Variants in SLC25A14 observed in about 807,000 individuals in gnomAD.
SLC25A14 encodes brain mitochondrial carrier protein 1.
In SLC25A14, 8 loss-of-function variants were observed where a neutral mutation model predicts 28.1. That is an observed-to-expected ratio of 0.28 (90% CI 0.17 to 0.51). The LOEUF (loss-of-function observed/expected upper bound fraction) is 0.51. Among genes scored for constraint, SLC25A14 ranks in the 20% least tolerant of loss-of-function variants. The pLI, the probability that SLC25A14 is intolerant of heterozygous loss-of-function variation, is 0.97. For missense variants in SLC25A14, 135 were observed against 263.8 expected (o/e 0.51, Z 3.38); for synonymous variants, 74 against 90.6 (o/e 0.82, Z 1.04).
At chrX:130,365,238 T>A in intron 8 of SLC25A14, 15 of 842,836 alleles carry the variant, frequency 1.8e-5, no homozygotes, top group Non-Finnish European at 2.2e-5. Flanking sequence ...TGTGATGCTG[T>A]GGTTTGAAAA....
At chrX:130,353,650 A>T (rs2033688871) in intron 6 of SLC25A14, among the ~76,000 whole-genome samples, 1 of 112,058 alleles carries the variant, frequency 8.9e-6, no homozygotes, top group South Asian at 3.7e-4. Flanking sequence ...TCAAATGATA[A>T]ATATGGTCAA....
At chrX:130,356,551 G>A (rs1170780738) in intron 6 of SLC25A14, among the ~76,000 whole-genome samples, 2 of 110,941 alleles carry the variant, frequency 1.8e-5, no homozygotes, top group Admixed American at 9.6e-5. Context: ...TTCTCATTTA[G>A]TGGGGCTGTT....
Position 130,365,538 on chromosome X carries a change from T to C in SLC25A14, c.720-3T>C, listed in dbSNP as rs780250621. ...GTCGATCTACTTAAACTTTTCCTCT[T>C]AGTTCCAGCTTTACATGTGGTTTGG... is the stretch of plus-strand genomic sequence containing the variant. On this transcript the variant is annotated splice_polypyrimidine_tract_variant and splice_region_variant and intron_variant, in intron 8 of 10. Coordinates refer to ENST00000545805, the MANE Select transcript of SLC25A14 (RefSeq NM_001282195.2). The C allele has an allele frequency of 2.5e-6, 3 of 1,211,217 alleles. No homozygotes were observed. In the East Asian group the frequency reaches 8.9e-5, roughly 36 times the overall value.
intron 3 of SLC25A14, 123 bp downstream of exon 3, chrX:130,345,398 A>G: frequency 2.1e-6 from 1 of 474,911 alleles, no homozygotes; most frequent in Non-Finnish European, 3.7e-6. Flanking sequence ...AAATTGTCTC[A>G]AAGCCATGAA....
intron 6 of SLC25A14, among the ~76,000 whole-genome samples, chrX:130,356,202 T>C (rs1476613697): frequency 9.2e-6 from 1 of 109,092 alleles, no homozygotes; most frequent in Non-Finnish European, 1.9e-5. Flanking sequence ...GCTAGAATTC[T>C]TCTGCAAGGG....
At chrX:130,366,248 G>A (rs1474296628) in intron 9 of SLC25A14, among the ~76,000 whole-genome samples, 2 of 112,346 alleles carry the variant, frequency 1.8e-5, no homozygotes, top group Non-Finnish European at 3.7e-5. Flanking sequence ...CATTTTAGTA[G>A]TTAGAGAGAA....
intron 7 of SLC25A14, among the ~76,000 whole-genome samples, chrX:130,360,743 A>AT (rs756511378): frequency 1.8e-5 from 2 of 111,867 alleles, no homozygotes; most frequent in Non-Finnish European, 3.8e-5. Flanking sequence ...AGAATTGGAG[A>AT]TTTTTTCACA....
chrX:130,341,796 C>G (rs1252503567), intron 2 of SLC25A14, among the ~76,000 whole-genome samples: 2 of 112,027 alleles, frequency 1.8e-5, no homozygotes, highest in African/African-American at 3.2e-5. Flanking sequence ...GGGTTAGCCC[C>G]TACAAGTTAA....
At chrX:130,351,089 A>T (rs2033610902) in intron 6 of SLC25A14, among the ~76,000 whole-genome samples, 2 of 111,167 alleles carry the variant, frequency 1.8e-5, no homozygotes, top group Non-Finnish European at 3.8e-5. Context: ...CAATTTCCAG[A>T]TCTCTTACAT....
chrX:130,344,366 A>C (rs2033358771), intron 2 of SLC25A14, among the ~76,000 whole-genome samples: 1 of 111,942 alleles, frequency 8.9e-6, no homozygotes, highest in South Asian at 3.7e-4. Flanking sequence ...GAGCAAGCTG[A>C]CAGTGGCAGA....
intron 6 of SLC25A14, among the ~76,000 whole-genome samples, chrX:130,352,917 C>T (rs1453363246): frequency 8.9e-6 from 1 of 112,157 alleles, no homozygotes; most frequent in Non-Finnish European, 1.9e-5. Flanking sequence ...TTAGTTTAAT[C>T]AGGTCCCGCT....
At chrX:130,366,514 TTAAG>T (rs1237571857) in intron 9 of SLC25A14, among the ~76,000 whole-genome samples, 1 of 112,191 alleles carries the variant, frequency 8.9e-6, no homozygotes, top group African/African-American at 3.2e-5. Flanking sequence ...CACTGAAAGA[TTAAG>T]TAAGCTGCCT....
rs1244476789 is a variant in SLC25A14, at chrX:130,344,485, A to G, written c.76-697A>G. Reference sequence around the variant, plus strand: ...GAATACGTTGTTAAAGAACTAGAACATAAAAGAAGAACAGTATTTATATGT... The same window carrying G: ...GAATACGTTGTTAAAGAACTAGAACGTAAAAGAAGAACAGTATTTATATGT... On this transcript the variant is annotated intron_variant, in intron 2 of 10. Transcript: ENST00000545805. Among the ~76,000 whole-genome samples, 3 of 111,679 alleles carry G rather than the reference A, an allele frequency of 2.7e-5. No homozygotes were observed. The East Asian group carries it at 8.4e-4, about 31-fold the overall frequency.
chrX:130,360,481 GT>G (rs2033936304), intron 7 of SLC25A14, among the ~76,000 whole-genome samples: 1 of 111,293 alleles, frequency 9.0e-6, no homozygotes, highest in Non-Finnish European at 1.9e-5. Flanking sequence ...TAAAACATAA[GT>G]TTTTTCCCCC....
intron 6 of SLC25A14, among the ~76,000 whole-genome samples, chrX:130,357,982 A>G (rs1180889769): frequency 2.7e-5 from 3 of 112,348 alleles, no homozygotes; most frequent in African/African-American, 9.7e-5. Context: ...ATGTAGAAAA[A>G]TATGGAAGGC....
chrX:130,343,155 A>C (rs2033318601), intron 2 of SLC25A14, among the ~76,000 whole-genome samples: 2 of 112,248 alleles, frequency 1.8e-5, no homozygotes, highest in African/African-American at 6.5e-5. Context: ...AGTTTTGGAG[A>C]GACAACTTTA....
At chrX:130,340,391 C>T (rs1476062914) in intron 2 of SLC25A14, 38 bp downstream of exon 2, 1 of 1,202,418 alleles carries the variant, frequency 8.3e-7, no homozygotes, top group South Asian at 1.8e-5. Flanking sequence ...GTAAGGGATA[C>T]TGTTGAAAGA....
chrX:130,354,402 C>T (rs1232525340), intron 6 of SLC25A14, among the ~76,000 whole-genome samples: 2 of 112,174 alleles, frequency 1.8e-5, no homozygotes, highest in Non-Finnish European at 3.8e-5. Context: ...CGTGAGCCAC[C>T]GTGCCCGACC....
chrX:130,365,530 T>C lies in SLC25A14; in HGVS notation c.720-11T>C. ...AAAGTGGGGTCGATCTACTTAAACTTTTCCTCTTAGTTCCAGCTTTACATG... is the reference window on the plus strand; with the variant it reads ...AAAGTGGGGTCGATCTACTTAAACTCTTCCTCTTAGTTCCAGCTTTACATG... On this transcript the variant is annotated splice_polypyrimidine_tract_variant and intron_variant, in intron 8 of 10. Transcript: ENST00000545805. 1 of 1,210,821 alleles carries C rather than the reference T, an allele frequency of 8.3e-7. No homozygotes were observed. The highest frequency in any genetic ancestry group is 1.1e-6 in the Non-Finnish European group (1 of 895,079).
Sources: gnomAD v4.1 joint callset for allele counts (sites outside exome capture counted in the v4.1 genomes callset) on GRCh38, gnomAD v4.1.1 for gene constraint, MANE v1.5 for transcripts, NCBI Gene and HGNC (gene_info 2026-07-23, HGNC 2026-07-21) for gene names.